UBASH3B: variants seen among roughly 807,000 people sequenced by gnomAD.
UBASH3B encodes the protein ubiquitin associated and SH3 domain containing B.
In UBASH3B, 37 loss-of-function variants were observed where a neutral mutation model predicts 83.4. That is an observed-to-expected ratio of 0.44 (90% CI 0.34 to 0.58). UBASH3B has a LOEUF of 0.58. Ranked by LOEUF, UBASH3B falls within the 20% of genes least tolerant of loss-of-function variation. The probability of loss-of-function intolerance (pLI) is 0.01; values close to 1 mark genes in which losing one functional copy is unlikely to be tolerated. For synonymous variants in UBASH3B, 304 were observed against 318.3 expected (o/e 0.96, Z 0.48); for missense variants, 657 against 827.2 (o/e 0.79, Z 2.52).
intron 1 of UBASH3B, among the ~76,000 whole-genome samples, chr11:122,681,410 C>T (rs1863736705): frequency 6.6e-6 from 1 of 152,090 alleles, no homozygotes; most frequent in African/African-American, 2.4e-5. Context: ...CCTTCTTGTA[C>T]CTCTGATGCT....
rs530652589 is a variant in UBASH3B, at chr11:122,749,882, G to A, written c.162-26337G>A. Reference sequence around the variant, plus strand: ...CAAATAGCTGGGATTACAGGCATGCGTCACCACACCAGGCTAATTTTTATA... The same window carrying A: ...CAAATAGCTGGGATTACAGGCATGCATCACCACACCAGGCTAATTTTTATA... On this transcript the variant is annotated intron_variant, in intron 1 of 13. Transcript: ENST00000284273. Among the ~76,000 whole-genome samples, 18 of 152,222 alleles carry A rather than the reference G, an allele frequency of 1.2e-4. No individual in the cohort carries two copies. The South Asian group carries it at 2.1e-3, about 18-fold the overall frequency.
intron 1 of UBASH3B, among the ~76,000 whole-genome samples, chr11:122,688,650 A>ATTTT: frequency 1.4e-5 from 1 of 72,626 alleles, no homozygotes; most frequent in Admixed American, 1.8e-4. Context: ...ATTTTATTTT[A>ATTTT]TTTTATTTTT....
chr11:122,709,837 A>ATGTGTTT (rs1864167645), intron 1 of UBASH3B, among the ~76,000 whole-genome samples: 1 of 150,078 alleles, frequency 6.7e-6, no homozygotes, highest in African/African-American at 2.5e-5. Flanking sequence ...TTCATTTGTT[A>ATGTGTTT]GTTCATTCAT....
chr11:122,757,927 C>T (rs1164240760), intron 1 of UBASH3B, among the ~76,000 whole-genome samples: 4 of 151,718 alleles, frequency 2.6e-5, no homozygotes, highest in African/African-American at 7.2e-5. Context: ...TTGATGGTCT[C>T]TATCTCTTGA....
intron 1 of UBASH3B, among the ~76,000 whole-genome samples, chr11:122,671,756 G>A (rs1342549351): frequency 6.6e-6 from 1 of 152,224 alleles, no homozygotes; most frequent in African/African-American, 2.4e-5. Flanking sequence ...AACCGCCTCG[G>A]TGAGATGGCC....
At chr11:122,800,619 C>CT (rs1308787422) in intron 10 of UBASH3B, among the ~76,000 whole-genome samples, 2 of 151,572 alleles carry the variant, frequency 1.3e-5, no homozygotes, top group South Asian at 2.1e-4. Flanking sequence ...AATAAATTTT[C>CT]TTTTTTTGAG....
intron 1 of UBASH3B, among the ~76,000 whole-genome samples, chr11:122,695,242 G>A (rs1453908375): frequency 3.3e-5 from 5 of 152,082 alleles, no homozygotes; most frequent in Non-Finnish European, 7.4e-5. Context: ...GGGATTGCAG[G>A]CGTGAGCCAC....
intron 1 of UBASH3B, among the ~76,000 whole-genome samples, chr11:122,728,988 C>T (rs902953227): frequency 1.1e-4 from 16 of 142,266 alleles, no homozygotes; most frequent in South Asian, 4.7e-4. Flanking sequence ...CTCAGCCTGC[C>T]GTCCCTGCTT....
chr11:122,732,174 C>T (rs1216247035), intron 1 of UBASH3B, among the ~76,000 whole-genome samples: 1 of 152,054 alleles, frequency 6.6e-6, no homozygotes, highest in Non-Finnish European at 1.5e-5. Context: ...TCTTGGGGTA[C>T]CCATATGCAT....
Position 122,810,255 on chromosome 11 carries a change from C to T in UBASH3B, c.*369C>T. ...AAGGGGTGCAAGAGGAAGGAGTGTG[C>T]CCAGACCAGCTGGGGGAGCATTGAA... On this transcript the variant is annotated 3_prime_UTR_variant, in exon 14 of 14. Coordinates refer to ENST00000284273, the MANE Select transcript of UBASH3B (RefSeq NM_032873.5). 1 of 167,956 alleles carries T rather than the reference C, an allele frequency of 6.0e-6. No individual in the cohort carries two copies. The highest frequency in any genetic ancestry group is 1.3e-5 in the Non-Finnish European group (1 of 78,640). 10.4% of individuals were successfully genotyped at this position (167,956 alleles called of 1,614,324 possible). A position where few individuals can be genotyped will look rare whatever the true frequency, so the allele number is the denominator to read the frequency against.
At chr11:122,704,932 A>G (rs2135931710) in intron 1 of UBASH3B, among the ~76,000 whole-genome samples, 1 of 152,310 alleles carries the variant, frequency 6.6e-6, no homozygotes, top group South Asian at 2.1e-4. Context: ...GGGTTAGAAG[A>G]AAAGAAGGTC....
intron 1 of UBASH3B, among the ~76,000 whole-genome samples, chr11:122,666,567 C>T (rs1054592116): frequency 5.3e-5 from 8 of 151,874 alleles, no homozygotes; most frequent in South Asian, 4.2e-4. Flanking sequence ...TACAGGCGCG[C>T]GCCTCCATGC....
At chr11:122,788,967 A>C (rs778725913) in intron 5 of UBASH3B, 133 bp from the exon 6 acceptor site, 4 of 765,238 alleles carry the variant, frequency 5.2e-6, no homozygotes, top group Non-Finnish European at 8.8e-6. Flanking sequence ...CAGGGCCTGC[A>C]GACCCCAAGG....
At chr11:122,802,564 A>G (rs973721939) in intron 11 of UBASH3B, among the ~76,000 whole-genome samples, 3 of 152,120 alleles carry the variant, frequency 2.0e-5, no homozygotes, top group Admixed American at 6.6e-5. Context: ...AGCAATGTGC[A>G]TTTCTGGCTA....
At chr11:122,762,177 C>T (rs527646166) in intron 1 of UBASH3B, among the ~76,000 whole-genome samples, 3 of 152,276 alleles carry the variant, frequency 2.0e-5, no homozygotes, top group South Asian at 2.1e-4. Flanking sequence ...CTGGAATCAC[C>T]GTGCCCCTGG....
chr11:122,753,072 G>T (rs1861224193), intron 1 of UBASH3B, among the ~76,000 whole-genome samples: 1 of 151,478 alleles, frequency 6.6e-6, no homozygotes, highest in African/African-American at 2.4e-5. Context: ...TCATATTCCT[G>T]GTAGCGCTCA....
Position 122,774,133 on chromosome 11 carries a change from C to T in UBASH3B, c.162-2086C>T, listed in dbSNP as rs138430427. On this transcript the variant is annotated intron_variant, in intron 1 of 13. Transcript: ENST00000284273. ...GGAAACAGACAAGGCTGCAACCCAGCAGCAGTTGAGCACCTTGTCAAAGTG... is the reference window on the plus strand; with the variant it reads ...GGAAACAGACAAGGCTGCAACCCAGTAGCAGTTGAGCACCTTGTCAAAGTG... The T allele has an allele frequency of 4.2e-4, 413 of 985,246 alleles. No homozygotes were observed. The African/African-American group carries it at 6.8e-3, about 16-fold the overall frequency. 61.0% of individuals were successfully genotyped at this position (985,246 alleles called of 1,614,324 possible).
At chr11:122,687,067 C>A (rs1318581330) in intron 1 of UBASH3B, among the ~76,000 whole-genome samples, 2 of 152,080 alleles carry the variant, frequency 1.3e-5, no homozygotes, top group Non-Finnish European at 2.9e-5. Context: ...GGGGGTTTCA[C>A]CATGTTGGCC....
chr11:122,696,437 A>G (rs1863966710), intron 1 of UBASH3B, among the ~76,000 whole-genome samples: 1 of 150,060 alleles, frequency 6.7e-6, no homozygotes, highest in African/African-American at 2.5e-5. Context: ...CAGCCTCCTG[A>G]GTAGCTTGGA....
Sources: gnomAD v4.1 joint callset for allele counts (sites outside exome capture counted in the v4.1 genomes callset) on GRCh38, gnomAD v4.1.1 for gene constraint, MANE v1.5 for transcripts, NCBI Gene and HGNC (gene_info 2026-07-23, HGNC 2026-07-21) for gene names.